Variants in BCAS4 observed in about 807,000 individuals in gnomAD.
BCAS4 encodes the protein breast carcinoma-amplified sequence 4.
In BCAS4, 9 loss-of-function variants were observed where a neutral mutation model predicts 15.7. That is an observed-to-expected ratio of 0.57 (90% confidence interval 0.34 to 1.00). BCAS4 has a LOEUF of 1.00. Ranked by LOEUF, BCAS4 falls within the 50% of genes least tolerant of loss-of-function variation. The pLI, the probability that BCAS4 is intolerant of heterozygous loss-of-function variation, is 0.02. For synonymous variants in BCAS4, 101 were observed against 99.5 expected (o/e 1.02, Z -0.09); for missense variants, 225 against 239.1 (o/e 0.94, Z 0.39).
At chr20:50,873,689 C>G (rs1979771174) in intron 4 of BCAS4, among the ~76,000 whole-genome samples, 1 of 152,172 alleles carries the variant, frequency 6.6e-6, no homozygotes, top group South Asian at 2.1e-4. Context: ...GTCCACTGAC[C>G]CACAGAGGCA....
intron 2 of BCAS4, among the ~76,000 whole-genome samples, chr20:50,828,929 C>T (rs142787137): frequency 1.5e-3 from 221 of 152,322 alleles, no homozygotes; most frequent in African/African-American, 5.0e-3. Flanking sequence ...AACAGCTCAT[C>T]CTCAGTATCC....
At chr20:50,864,438 GA>G (rs367830745) in intron 4 of BCAS4, among the ~76,000 whole-genome samples, 26,411 of 138,356 alleles carry the variant, frequency 0.19, 3,905 homozygotes, top group African/African-American at 0.42. Context: ...GATCATGATT[GA>G]TTTTTTTTTT....
rs73263603 is a variant in BCAS4, at chr20:50,861,353, G to A, written c.400-15133G>A. 6.2e-3 allele frequency among the ~76,000 whole-genome samples: 950 copies of A among 152,306 alleles called. 11 individuals are homozygous for A. The highest frequency in any genetic ancestry group is 0.021 in the African/African-American group (891 of 41,558). ...TCATTCCCTTATCGTTTCTCTCTTT[G>A]CAGCTGTGGAGGGCTCCAGGGCCTG... On this transcript the variant is annotated intron_variant, in intron 4 of 4. Coordinates refer to ENST00000371608, the MANE Select transcript of BCAS4 (RefSeq NM_198799.4).
chr20:50,855,066 C>T (rs1037743609), intron 4 of BCAS4, among the ~76,000 whole-genome samples: 2 of 152,198 alleles, frequency 1.3e-5, no homozygotes, highest in African/African-American at 4.8e-5. Flanking sequence ...CCACGCCCAC[C>T]TGGGCACACC....
rs150111534 is a variant in BCAS4, at chr20:50,801,990, G to T, written c.90+6817G>T. Among the ~76,000 whole-genome samples the T allele has an allele frequency of 6.6e-5, 10 of 152,066 alleles. No individual in the cohort carries two copies. In the South Asian group the frequency reaches 1.2e-3, roughly 19 times the overall value. On this transcript the variant is annotated intron_variant, in intron 1 of 4. Transcript: ENST00000371608. ...GCCACACCAGGGCCTGGGTCCCCAG[G>T]GGGGGAGTCTGAATTCTGTTCTAGG...
chr20:50,853,760 G>GA (rs1978595483), intron 4 of BCAS4, among the ~76,000 whole-genome samples: 101 of 80,170 alleles, frequency 1.3e-3, no homozygotes, highest in African/African-American at 1.7e-3. Flanking sequence ...TGTACTGGGG[G>GA]TGTTTTGTGT....
intron 4 of BCAS4, among the ~76,000 whole-genome samples, chr20:50,860,772 A>G (rs1297170974): frequency 6.6e-6 from 1 of 152,194 alleles, no homozygotes; most frequent in Non-Finnish European, 1.5e-5. Flanking sequence ...GCTACTCAGG[A>G]GGCTGAGGCA....
At chr20:50,865,718 G>T (rs540442695) in intron 4 of BCAS4, among the ~76,000 whole-genome samples, 2 of 152,180 alleles carry the variant, frequency 1.3e-5, no homozygotes, top group South Asian at 4.1e-4. Flanking sequence ...TCACTGGGCC[G>T]GCAGAGGCTG....
At chr20:50,820,017 A>AT (rs2088194318) in intron 2 of BCAS4, among the ~76,000 whole-genome samples, 1 of 151,576 alleles carries the variant, frequency 6.6e-6, no homozygotes, top group Admixed American at 6.6e-5. Context: ...TGCCTGGCTA[A>AT]TTTTTGTATT....
At chr20:50,866,297 A>G in intron 4 of BCAS4, among the ~76,000 whole-genome samples, 1 of 152,168 alleles carries the variant, frequency 6.6e-6, no homozygotes. Flanking sequence ...CTCCACTGGC[A>G]TCCTCTTCAG....
At chr20:50,852,210 C>A (rs1978469026) in intron 4 of BCAS4, among the ~76,000 whole-genome samples, 1 of 152,124 alleles carries the variant, frequency 6.6e-6, no homozygotes, top group Non-Finnish European at 1.5e-5. Context: ...TTCTTCACAC[C>A]CCAGGAACTG....
At chr20:50,845,012 C>A (rs958829230) in intron 4 of BCAS4, among the ~76,000 whole-genome samples, 1 of 152,136 alleles carries the variant, frequency 6.6e-6, no homozygotes, top group Non-Finnish European at 1.5e-5. Context: ...GCTGTGGCTG[C>A]TCCAGGGTGT....
chr20:50,815,490 A>G (rs1394480294), intron 1 of BCAS4, among the ~76,000 whole-genome samples: 2 of 152,084 alleles, frequency 1.3e-5, no homozygotes, highest in Non-Finnish European at 2.9e-5. Flanking sequence ...CTCTAACCAC[A>G]GTGACCTCTT....
At chr20:50,869,897 C>T (rs911936116) in intron 4 of BCAS4, among the ~76,000 whole-genome samples, 4 of 151,936 alleles carry the variant, frequency 2.6e-5, no homozygotes, top group African/African-American at 9.7e-5. Flanking sequence ...TACAGGCACC[C>T]GCCACCACAC....
chr20:50,873,586 G>C (rs1166264168), intron 4 of BCAS4, among the ~76,000 whole-genome samples: 1 of 152,250 alleles, frequency 6.6e-6, no homozygotes, highest in East Asian at 1.9e-4. Flanking sequence ...ACACCTGTGG[G>C]TTACCCACCA....
At chr20:50,832,505 G>A (rs549989535) in intron 3 of BCAS4, among the ~76,000 whole-genome samples, 8 of 152,198 alleles carry the variant, frequency 5.3e-5, no homozygotes, top group African/African-American at 1.7e-4. Flanking sequence ...AGATCTGCCC[G>A]CCTCAGCCTC....
chr20:50,808,190 G>A (rs896263251), intron 1 of BCAS4, among the ~76,000 whole-genome samples: 4 of 152,214 alleles, frequency 2.6e-5, no homozygotes, highest in Admixed American at 6.5e-5. Flanking sequence ...GGGATTACAG[G>A]CGTGAGCCAC....
At chr20:50,876,367 C>T (rs1194658656) in intron 4 of BCAS4, 119 bp from the exon 5 acceptor site, 1 of 1,382,650 alleles carries the variant, frequency 7.2e-7, no homozygotes, top group Admixed American at 2.1e-5. Flanking sequence ...GTCAGAGGAG[C>T]TCAGAGTCTT....
At chr20:50,865,076 G>A (rs879610248) in intron 4 of BCAS4, among the ~76,000 whole-genome samples, 3 of 152,114 alleles carry the variant, frequency 2.0e-5, no homozygotes, top group Non-Finnish European at 4.4e-5. Context: ...CTGGGCGACA[G>A]AGCAAGACTC....
Sources: gnomAD v4.1 joint callset for allele counts (sites outside exome capture counted in the v4.1 genomes callset) on GRCh38, gnomAD v4.1.1 for gene constraint, MANE v1.5 for transcripts, NCBI Gene and HGNC (gene_info 2026-07-23, HGNC 2026-07-21) for gene names.